The following FKBP3 variants were observed in gnomAD, a reference collection of about 807,000 sequenced individuals.
FKBP3 encodes FKBP prolyl isomerase 3.
FKBP3 carries 21 observed loss-of-function variants against 30.6 expected under a neutral mutation model. That is an observed-to-expected ratio of 0.69 (90% confidence interval 0.49 to 0.99). The LOEUF (loss-of-function observed/expected upper bound fraction) is 0.99, where lower values mean the gene tolerates loss of function less well. FKBP3 is among the 50% of genes least tolerant of loss of function. FKBP3 has a pLI of 0.00. For synonymous variants in FKBP3, 82 were observed against 91.3 expected (o/e 0.90, Z 0.58); for missense variants, 283 against 261.6 (o/e 1.08, Z -0.56).
chr14:45,119,160 G>A (rs1355981816), intron 5 of FKBP3, among the ~76,000 whole-genome samples: 1 of 152,202 alleles, frequency 6.6e-6, no homozygotes, highest in African/African-American at 2.4e-5. Flanking sequence ...TCCACAAACA[G>A]TTAAATCCAC....
chr14:45,127,663 G>A lies in FKBP3; in HGVS notation c.318+2131C>T, dbSNP rs142826349. On this transcript the variant is annotated intron_variant, in intron 3 of 6. Coordinates refer to ENST00000396062, the MANE Select transcript of FKBP3 (RefSeq NM_002013.4). ...AGCACTCTGTAGCCACATATTGTTA[G>A]TAACTACCATACTGAACGGGGCAAT... 4.3e-3 allele frequency among the ~76,000 whole-genome samples: 660 copies of A among 152,186 alleles called. 5 individuals are homozygous for A. The highest frequency in any genetic ancestry group is 6.8e-3 in the Middle Eastern group (2 of 294).
At chr14:45,123,765 G>A (rs1566705489) in intron 3 of FKBP3, among the ~76,000 whole-genome samples, 1 of 151,190 alleles carries the variant, frequency 6.6e-6, no homozygotes, top group South Asian at 2.1e-4. Flanking sequence ...ACAGGCGCCC[G>A]CCACCACACC....
chr14:45,124,543 T>A (rs1004175461), intron 3 of FKBP3, among the ~76,000 whole-genome samples: 4 of 138,208 alleles, frequency 2.9e-5, no homozygotes, highest in African/African-American at 1.3e-4. Context: ...AAAAAAAAAA[T>A]TATATATATA....
intron 5 of FKBP3, among the ~76,000 whole-genome samples, chr14:45,120,340 C>T (rs926141027): frequency 6.6e-6 from 1 of 152,062 alleles, no homozygotes; most frequent in African/African-American, 2.4e-5. Context: ...TTTCTGTTAT[C>T]TCTCACATAT....
chr14:45,116,822 C>T (rs776615142), intron 6 of FKBP3, among the ~76,000 whole-genome samples: 13 of 152,188 alleles, frequency 8.5e-5, no homozygotes, highest in Admixed American at 1.3e-4. Flanking sequence ...CGCTGCTGCA[C>T]TCCAGCCTGG....
chr14:45,118,837 T>C (rs760716445), intron 5 of FKBP3, among the ~76,000 whole-genome samples: 3 of 152,094 alleles, frequency 2.0e-5, no homozygotes, highest in African/African-American at 4.8e-5. Flanking sequence ...TGGAGTCACG[T>C]TGGCACATAA....
chr14:45,121,037 G>C, intron 4 of FKBP3, 83 bp from the exon 5 acceptor site: 1 of 1,144,456 alleles, frequency 8.7e-7, no homozygotes, highest in Non-Finnish European at 1.3e-6. Flanking sequence ...TTAAATTCCA[G>C]TGGAAAAATA....
chr14:45,127,000 G>C (rs564219916), intron 3 of FKBP3, among the ~76,000 whole-genome samples: 2 of 152,046 alleles, frequency 1.3e-5, no homozygotes, highest in South Asian at 4.2e-4. Context: ...ATTTTTAGTA[G>C]AGACGGGGTT....
At chr14:45,127,833 A>G (rs1377141213) in intron 3 of FKBP3, among the ~76,000 whole-genome samples, 2 of 152,192 alleles carry the variant, frequency 1.3e-5, no homozygotes, top group Non-Finnish European at 2.9e-5. Context: ...CGTTTTTAAC[A>G]TTCTGGGTAT....
chr14:45,121,929 C>G (rs1884993964), intron 3 of FKBP3, among the ~76,000 whole-genome samples: 1 of 152,016 alleles, frequency 6.6e-6, no homozygotes, highest in African/African-American at 2.4e-5. Flanking sequence ...TAAAAAAAAT[C>G]ATTACTATTT....
At chr14:45,128,485 C>T (rs1330826046) in intron 3 of FKBP3, among the ~76,000 whole-genome samples, 1 of 152,184 alleles carries the variant, frequency 6.6e-6, no homozygotes, top group African/African-American at 2.4e-5. Flanking sequence ...AACTAGAAAA[C>T]ATGCTTGGCT....
rs1046582893 is a variant in FKBP3, at chr14:45,134,414, G to T, written c.43C>A (p.Leu15Met). The stretch of plus-strand genomic sequence containing the variant: ...TTCTTGGGCAGCTGCTCACTGCGCA[G>T]CTGCTCCACGGTCCACGCCCGCTGT... ...VPQRAWTVEQ[L>M]RSEQLPKKDI... The change falls in exon 1 of 7, where the codon CTG becomes ATG. Residue 15 changes from leucine (L) to methionine (M), a missense_variant. Leu to Met is a conservative substitution (Grantham distance 15). Coordinates refer to ENST00000396062, the MANE Select transcript of FKBP3 (RefSeq NM_002013.4). The T allele has an allele frequency of 6.2e-7, 1 of 1,613,534 alleles. No individual in the cohort carries two copies. Among genetic ancestry groups the T allele is most frequent in the African/African-American group, 1.3e-5 (1 of 74,930 alleles).
rs1403158070 is a variant in FKBP3 at position 45,121,513 on chromosome 14, C to A, written c.426G>T (p.Gly142=). Residue 142 remains glycine (G), a synonymous_variant, in exon 4 of 7, where the codon GGG becomes GGT. Transcript: ENST00000396062. The stretch of plus-strand genomic sequence containing the variant: ...TTTGAATATTAGTATCAAAAACAGT[C>A]CCATCTTGTAGTGTTCCTGTATACC... ...HCWYTGTLQD[G]TVFDTNIQTS... is the part of the protein sequence containing the mutation. 1.2e-6 allele frequency: 2 copies of A among 1,612,864 alleles called. No individual in the cohort carries two copies. The highest frequency in any genetic ancestry group is 1.1e-5 in the South Asian group (1 of 90,966).
chr14:45,121,027 T>A, intron 4 of FKBP3, 73 bp from the exon 5 acceptor site: 6 of 1,215,110 alleles, frequency 4.9e-6, no homozygotes, highest in African/African-American at 1.5e-5. Flanking sequence ...TTGGAAATTA[T>A]TAAATTCCAG....
chr14:45,120,806 C>A (rs78416768), intron 5 of FKBP3, 81 bp downstream of exon 5: 1 of 1,168,756 alleles, frequency 8.6e-7, no homozygotes, highest in South Asian at 1.2e-5. Flanking sequence ...TATTATATCC[C>A]CAAACCTAAT....
intron 3 of FKBP3, among the ~76,000 whole-genome samples, chr14:45,126,542 A>G (rs1885102766): frequency 6.6e-6 from 1 of 152,084 alleles, no homozygotes; most frequent in Non-Finnish European, 1.5e-5. Flanking sequence ...TATGGAGCTT[A>G]GCAGCAGCCA....
intron 2 of FKBP3, among the ~76,000 whole-genome samples, chr14:45,130,135 T>C (rs553420204): frequency 1.3e-5 from 2 of 152,330 alleles, no homozygotes; most frequent in South Asian, 4.1e-4. Context: ...AATTCTGAAA[T>C]GAGAACCATG....
chr14:45,121,533 T>G lies in FKBP3; in HGVS notation c.406A>C (p.Thr136Pro). Reference protein sequence around the residue: ...KKGDVVHCWYTGTLQDGTVFD... With the variant: ...KKGDVVHCWYPGTLQDGTVFD... Reference sequence around the variant, plus strand: ...ACAGTCCCATCTTGTAGTGTTCCTGTATACCAGCAGTGAACAACATCTCCC... The same window carrying G: ...ACAGTCCCATCTTGTAGTGTTCCTGGATACCAGCAGTGAACAACATCTCCC... The change falls in exon 4 of 7, where the codon ACA (threonine) becomes CCA (proline). Residue 136 changes from threonine (T) to proline (P), a missense_variant. Physicochemically the swap from Thr to Pro is conservative, Grantham distance 38 (BLOSUM62 -1). Transcript: ENST00000396062. 6.2e-7 allele frequency: 1 copy of G among 1,613,402 alleles called. No individual in the cohort carries two copies. The highest frequency in any genetic ancestry group is 1.1e-5 in the South Asian group (1 of 91,052).
intron 5 of FKBP3, among the ~76,000 whole-genome samples, chr14:45,119,937 A>G (rs926725768): frequency 1.3e-5 from 2 of 151,982 alleles, no homozygotes; most frequent in Non-Finnish European, 2.9e-5. Flanking sequence ...TGATCCACCC[A>G]CCTCGGCCTC....
Sources: allele counts gnomAD v4.1 joint callset (sites outside exome capture counted in the v4.1 genomes callset), GRCh38; gene constraint gnomAD v4.1.1; transcripts MANE v1.5; gene names NCBI Gene and HGNC (gene_info 2026-07-23, HGNC 2026-07-21).